Variants in SYNE1 observed in about 807,000 individuals in gnomAD.
The protein encoded by SYNE1 is nesprin-1.
A neutral mutation model predicts 1,111.0 loss-of-function variants in SYNE1; 616 were observed. The observed-to-expected ratio is 0.55, with a 90% CI of 0.52 to 0.59. The LOEUF (loss-of-function observed/expected upper bound fraction) is 0.59. SYNE1 is among the 20% of genes least tolerant of loss of function. The pLI, the probability that SYNE1 is intolerant of heterozygous loss-of-function variation, is 0.00. For missense variants in SYNE1, 10,006 were observed against 10,417.0 expected (o/e 0.96, Z 1.72); for synonymous variants, 3,855 against 3,825.8 (o/e 1.01, Z -0.28).
intron 30 of SYNE1, 32 bp from the exon 31 acceptor site, chr6:152,442,277 A>G (rs2098538543): frequency 1.2e-6 from 2 of 1,610,296 alleles, no homozygotes; most frequent in South Asian, 1.1e-5. Flanking sequence ...ATGGATATAA[A>G]TTGTGCTCTC....
At chr6:152,628,180 T>G in intron 3 of SYNE1, 85 bp downstream of exon 3, 3 of 1,458,424 alleles carry the variant, frequency 2.1e-6, no homozygotes, top group Non-Finnish European at 2.9e-6. Flanking sequence ...TCCATGAAAT[T>G]GAGTAAAACC....
chr6:152,519,203 C>T (rs2154347009), intron 6 of SYNE1, among the ~76,000 whole-genome samples: 1 of 151,698 alleles, frequency 6.6e-6, no homozygotes, highest in African/African-American at 2.4e-5. Context: ...GCTGAGAGGG[C>T]CTAGGAGAAA....
intron 9 of SYNE1, among the ~76,000 whole-genome samples, chr6:152,504,651 T>G (rs1034307202): frequency 5.3e-5 from 8 of 152,222 alleles, no homozygotes; most frequent in Non-Finnish European, 1.2e-4. Flanking sequence ...TTTATAAAAG[T>G]TTATCAAAGG....
chr6:152,252,558 G>T (rs1176896743), intron 104 of SYNE1, among the ~76,000 whole-genome samples: 3 of 152,160 alleles, frequency 2.0e-5, no homozygotes, highest in Admixed American at 2.0e-4. Flanking sequence ...AATAATGTTA[G>T]CAGTCTGGCA....
chr6:152,513,804 CA>C (rs2099098010), intron 6 of SYNE1, among the ~76,000 whole-genome samples: 1 of 152,052 alleles, frequency 6.6e-6, no homozygotes, highest in Non-Finnish European at 1.5e-5. Context: ...ACAACTCCAT[CA>C]AAAAGTGGGC....
intron 39 of SYNE1, among the ~76,000 whole-genome samples, chr6:152,423,893 A>T (rs1311750571): frequency 6.6e-6 from 1 of 152,134 alleles, no homozygotes; most frequent in Non-Finnish European, 1.5e-5. Flanking sequence ...TCTTAATCTG[A>T]TGTCATCTCC....
intron 16 of SYNE1, among the ~76,000 whole-genome samples, chr6:152,469,715 G>C (rs1032928525): frequency 1.3e-5 from 2 of 152,064 alleles, no homozygotes; most frequent in Admixed American, 1.3e-4. Flanking sequence ...CAGCACTTAA[G>C]CTCAAGGGCT....
chr6:152,361,328 A>T (rs766963767), intron 64 of SYNE1, among the ~76,000 whole-genome samples: 4 of 152,182 alleles, frequency 2.6e-5, no homozygotes, highest in African/African-American at 9.7e-5. Context: ...CCTGTAGACA[A>T]TGGGAAGCCA....
chr6:152,470,071 G>T (rs539323747), intron 16 of SYNE1, among the ~76,000 whole-genome samples: 1 of 152,206 alleles, frequency 6.6e-6, no homozygotes, highest in Non-Finnish European at 1.5e-5. Flanking sequence ...AGCATGCTAC[G>T]TATGTAGGAT....
chr6:152,189,598 C>A (rs1563343021), intron 127 of SYNE1, among the ~76,000 whole-genome samples, 191 bp from the exon 128 acceptor site: 4 of 152,038 alleles, frequency 2.6e-5, no homozygotes. Flanking sequence ...GTATATATCA[C>A]AATAAAGTGA....
chr6:152,603,084 C>T (rs746316468), intron 3 of SYNE1, among the ~76,000 whole-genome samples: 29 of 152,136 alleles, frequency 1.9e-4, no homozygotes, highest in Non-Finnish European at 4.0e-4. Context: ...GATCACTAGC[C>T]TGCAGGTGAA....
intron 10 of SYNE1, among the ~76,000 whole-genome samples, chr6:152,501,691 T>C (rs765785): frequency 0.29 from 43,624 of 150,680 alleles, 6,434 homozygotes; most frequent in Middle Eastern, 0.36. Context: ...GCCAAGATTG[T>C]GCTACTGCAC....
intron 108 of SYNE1, among the ~76,000 whole-genome samples, 153 bp downstream of exon 108, chr6:152,239,380 A>G (rs2153549907): frequency 6.6e-6 from 1 of 152,350 alleles, no homozygotes; most frequent in East Asian, 1.9e-4. Flanking sequence ...TAAGCAACAC[A>G]GAACCATAGG....
At chr6:152,359,215 T>C (rs535367788) in intron 65 of SYNE1, 100 bp downstream of exon 65, 1 of 1,546,128 alleles carries the variant, frequency 6.5e-7, no homozygotes, top group Non-Finnish European at 8.9e-7. Context: ...TGTTCTGTTT[T>C]CCCAAGCCTG....
chr6:152,221,365 A>T (rs1361579377), intron 118 of SYNE1, 61 bp downstream of exon 118: 2 of 1,582,484 alleles, frequency 1.3e-6, no homozygotes, highest in Non-Finnish European at 1.7e-6. Context: ...TGTTTTAATT[A>T]TATCATTATT....
chr6:152,489,162 A>G (rs1330829827), intron 11 of SYNE1, among the ~76,000 whole-genome samples: 5 of 152,216 alleles, frequency 3.3e-5, no homozygotes, highest in Admixed American at 3.3e-4. Context: ...AAATAATGAC[A>G]AGGGCCATTC....
At chr6:152,197,366 C>T (rs2763022) in intron 127 of SYNE1, among the ~76,000 whole-genome samples, 23,928 of 152,168 alleles carry the variant, frequency 0.16, 2,191 homozygotes, top group African/African-American at 0.23. Flanking sequence ...CAGGTCAAAT[C>T]GGGAATGTTC....
At chr6:152,310,969 G>A in intron 87 of SYNE1, 96 bp from the exon 88 acceptor site, 1 of 1,276,958 alleles carries the variant, frequency 7.8e-7, no homozygotes. Context: ...TGTAAGTTCT[G>A]TGTGTCCGTT....
intron 61 of SYNE1, chr6:152,367,977 A>T (rs2097109525): frequency 6.4e-6 from 1 of 155,902 alleles, no homozygotes; most frequent in Non-Finnish European, 1.4e-5. Context: ...TCATTCTAAG[A>T]TGATTCATTC....
Sources: gnomAD v4.1 joint callset for allele counts (sites outside exome capture counted in the v4.1 genomes callset) on GRCh38, gnomAD v4.1.1 for gene constraint, MANE v1.5 for transcripts, NCBI Gene and HGNC (gene_info 2026-07-23, HGNC 2026-07-21) for gene names.